The following TAF8 variants were observed in gnomAD, a reference collection of about 807,000 sequenced individuals.
The protein encoded by TAF8 is TATA-box binding protein associated factor 8.
TAF8 carries 47 observed loss-of-function variants against 36.5 expected under a neutral mutation model. The ratio of observed to expected loss-of-function variants is 1.29; its 90% CI spans 1.02 to 1.64. TAF8 has a LOEUF of 1.64. TAF8 is among the 40% of genes most tolerant of loss of function. The pLI is 0.00. For synonymous variants in TAF8, 175 were observed against 159.5 expected (o/e 1.10, Z -0.73); for missense variants, 420 against 407.6 (o/e 1.03, Z -0.26).
intron 7 of TAF8, among the ~76,000 whole-genome samples, chr6:42,071,632 C>CTTT (rs112569860): frequency 1.4e-5 from 2 of 145,252 alleles, no homozygotes; most frequent in Non-Finnish European, 3.0e-5. Context: ...CCTGGATATA[C>CTTT]TTTTTTTTTT....
intron 6 of TAF8, among the ~76,000 whole-genome samples, chr6:42,067,708 C>T (rs1008621147): frequency 2.0e-5 from 3 of 152,114 alleles, no homozygotes; most frequent in African/African-American, 4.8e-5. Context: ...GCTGGGACTA[C>T]AGGCATGCAC....
intron 4 of TAF8, 60 bp downstream of exon 4, chr6:42,056,074 T>A: frequency 9.1e-7 from 1 of 1,101,014 alleles, no homozygotes; most frequent in Non-Finnish European, 1.4e-6. Context: ...TGGAATGAAG[T>A]AATTGAATAT....
At chr6:42,075,218 G>C (rs534655919) in intron 7 of TAF8, among the ~76,000 whole-genome samples, 1 of 152,180 alleles carries the variant, frequency 6.6e-6, no homozygotes, top group Non-Finnish European at 1.5e-5. Flanking sequence ...GATACCCAAG[G>C]GAGGTCTGGT....
At chr6:42,067,289 G>T (rs1164141539) in intron 6 of TAF8, among the ~76,000 whole-genome samples, 1 of 152,200 alleles carries the variant, frequency 6.6e-6, no homozygotes, top group African/African-American at 2.4e-5. Context: ...CGCAATCTCT[G>T]CTCACTGCAA....
In TAF8 at chr6:42,066,375, G is replaced by A. The variant is rs368068958; in HGVS notation, c.553G>A (p.Asp185Asn). The stretch of plus-strand genomic sequence containing the variant: ...GGAGAAGGCTGCATCCCAGAGGCGC[G>A]ATGTGGAGCGGGCACTTACCCGTTT... ...LREKAASQRR[D>N]VERALTRFMA... is the part of the protein sequence containing the mutation. Residue 185 changes from aspartate to asparagine, a missense_variant, in exon 6 of 9, where the codon GAT (aspartate) becomes AAT (asparagine). Transcript: ENST00000372977. The A allele has an allele frequency of 1.9e-4, 308 of 1,614,228 alleles. 1 individual carries two copies. In the South Asian group the frequency reaches 2.7e-3, roughly 14 times the overall value.
intron 6 of TAF8, among the ~76,000 whole-genome samples, chr6:42,068,095 C>G (rs536378274): frequency 5.3e-5 from 8 of 152,284 alleles, no homozygotes; most frequent in Admixed American, 5.2e-4. Flanking sequence ...TGCAGGATCT[C>G]AAAACTTATG....
rs564210401 is a variant in TAF8, at chr6:42,066,475, C to G, written c.637+16C>G. 6.2e-7 allele frequency: 1 copy of G among 1,613,534 alleles called. No individual in the cohort carries two copies. ...ACATTTCCATGTGAGAGTTGCCCCACTGTGTGGACCCTGTCTTATTTGAAA... is the reference window on the plus strand; with the variant it reads ...ACATTTCCATGTGAGAGTTGCCCCAGTGTGTGGACCCTGTCTTATTTGAAA... On this transcript the variant is annotated intron_variant, in intron 6 of 8. Transcript: ENST00000372977.
At chr6:42,066,171 G>A (rs1337452536) in intron 5 of TAF8, 141 bp from the exon 6 acceptor site, 6 of 1,019,870 alleles carry the variant, frequency 5.9e-6, no homozygotes, top group Non-Finnish European at 8.5e-6. Context: ...AAAGTGCTGG[G>A]ATTACAGGTG....
In TAF8 at chr6:42,050,531, G is replaced by C; in HGVS notation, c.-11G>C. Reference sequence around the variant, plus strand: ...CGCGCCCCGCGCTCGCGCACACTACGCCAGAACAAGATGGCCGACGCGGCG... The same window carrying C: ...CGCGCCCCGCGCTCGCGCACACTACCCCAGAACAAGATGGCCGACGCGGCG... On this transcript the variant is annotated 5_prime_UTR_variant, in exon 1 of 9. Transcript: ENST00000372977. 7.4e-7 allele frequency: 1 copy of C among 1,348,084 alleles called. No homozygotes were observed. Among genetic ancestry groups the C allele is most frequent in the Non-Finnish European group, 9.8e-7 (1 of 1,019,550 alleles). The allele number at this position is 1,348,084 out of a possible 1,614,324, so 83.5% of individuals were successfully genotyped here.
chr6:42,083,955 G>A (rs895250082), downstream of TAF8, among the ~76,000 whole-genome samples: 3 of 152,046 alleles, frequency 2.0e-5, no homozygotes, highest in Non-Finnish European at 4.4e-5. Flanking sequence ...GCAGAGGCGG[G>A]CGGATCACGA....
At chr6:42,053,695 A>G (rs1211012889) in intron 2 of TAF8, among the ~76,000 whole-genome samples, 9 of 152,232 alleles carry the variant, frequency 5.9e-5, no homozygotes. Context: ...ACCTGAGAGA[A>G]TGAGAGTGAA....
chr6:42,086,832 C>A (rs1766036665), downstream of TAF8: 2 of 1,327,472 alleles, frequency 1.5e-6, no homozygotes, highest in South Asian at 1.3e-5. Context: ...CACACGGAAG[C>A]AAACCCAGGC....
intron 5 of TAF8, chr6:42,063,124 A>G (rs1349208252): frequency 6.6e-6 from 1 of 152,186 alleles, no homozygotes; most frequent in African/African-American, 2.4e-5. Flanking sequence ...AGTTCAACCC[A>G]TAACATTCTT....
rs772335318 is a variant in TAF8 at position 42,077,536 on chromosome 6, C to T, written c.924C>T (p.Ser308=). 2 of 1,612,972 alleles carry T rather than the reference C, an allele frequency of 1.2e-6. No homozygotes were observed. Among genetic ancestry groups the T allele is most frequent in the South Asian group, 1.1e-5 (1 of 90,652 alleles). Residue 308 remains serine (S), a synonymous_variant, in exon 9 of 9, where the codon TCC becomes TCT. Coordinates refer to ENST00000372977, the MANE Select transcript of TAF8 (RefSeq NM_138572.3). The part of the protein sequence containing the change: ...VKKPKIRRKK[S]LS ...CCATGGTTCCTCTTCTTTCTAGGTC[C>T]CTCTCCTGAGCTGAGAAGGAAACCT...
intron 7 of TAF8, among the ~76,000 whole-genome samples, chr6:42,070,485 C>CT (rs1266294364): frequency 6.6e-6 from 1 of 152,212 alleles, no homozygotes; most frequent in African/African-American, 2.4e-5. Context: ...CAGCAAGACT[C>CT]TGTCTCAAAA....
chr6:42,053,138 G>T lies in TAF8; in HGVS notation c.202+1625G>T, dbSNP rs150696396. Among the ~76,000 whole-genome samples the T allele has an allele frequency of 9.7e-4, 148 of 152,050 alleles. 1 individual carries two copies. Among genetic ancestry groups the T allele is most frequent in the African/African-American group, 3.4e-3 (139 of 41,462 alleles). ...TGCCCAGGCTGGCCTCAAACTTCTG[G>T]ACCCAAGCCTCCCACATAGCTGGGA... On this transcript the variant is annotated intron_variant, in intron 2 of 8. Transcript: ENST00000372977.
At position 42,082,077 on chromosome 6, in the gene TAF8, CTTAT is replaced by C. The variant is rs1765941868; in HGVS notation, c.*4536_*4539del. 6.6e-6 allele frequency: 1 copy of C among 152,150 alleles called. No individual in the cohort carries two copies. Among genetic ancestry groups the C allele is most frequent in the African/African-American group, 2.4e-5 (1 of 41,412 alleles). 9.4% of individuals were successfully genotyped at this position (152,150 alleles called of 1,614,324 possible). ...TGGTATATTAGTACAATGCATAGAG[CTTAT>C]TTAGTTTTCACCATGTGCACGTGTG... On this transcript the variant is annotated 3_prime_UTR_variant, in exon 9 of 9. Coordinates refer to ENST00000372977, the MANE Select transcript of TAF8 (RefSeq NM_138572.3).
chr6:42,068,334 A>G (rs1208711216), intron 6 of TAF8, 131 bp from the exon 7 acceptor site: 20 of 931,168 alleles, frequency 2.1e-5, no homozygotes, highest in Non-Finnish European at 3.0e-5. Context: ...CCTGTTGTGT[A>G]AGTACTTGGA....
At chr6:42,070,353 G>C (rs1354401545) in intron 7 of TAF8, among the ~76,000 whole-genome samples, 1 of 151,966 alleles carries the variant, frequency 6.6e-6, no homozygotes, top group Non-Finnish European at 1.5e-5. Flanking sequence ...TTAGCCAGGC[G>C]TGGTGGCAGG....
Sources: gnomAD v4.1 joint callset for allele counts (sites outside exome capture counted in the v4.1 genomes callset) on GRCh38, gnomAD v4.1.1 for gene constraint, MANE v1.5 for transcripts, NCBI Gene and HGNC (gene_info 2026-07-23, HGNC 2026-07-21) for gene names.